DTNA: variants seen among roughly 807,000 people sequenced by gnomAD.
The protein encoded by DTNA is dystrophin-related protein 3.
In DTNA, 43 loss-of-function variants were observed where a neutral mutation model predicts 100.7. The ratio of observed to expected loss-of-function variants is 0.43; its 90% CI spans 0.33 to 0.55. DTNA has a LOEUF of 0.55. Among genes scored for constraint, DTNA ranks in the 20% least tolerant of loss-of-function variants. DTNA has a pLI of 0.04. For synonymous variants in DTNA, 349 were observed against 347.9 expected (o/e 1.00, Z -0.04); for missense variants, 798 against 953.9 (o/e 0.84, Z 2.15).
chr18:34,820,168 AG>A (rs1042129432), intron 8 of DTNA, among the ~76,000 whole-genome samples: 3 of 152,070 alleles, frequency 2.0e-5, no homozygotes, highest in Non-Finnish European at 4.4e-5. Context: ...CTCAGATTGA[AG>A]TTCCATTTTC....
At chr18:34,695,177 T>A (rs1306325846) in intron 1 of DTNA, among the ~76,000 whole-genome samples, 4 of 152,190 alleles carry the variant, frequency 2.6e-5, no homozygotes, top group Non-Finnish European at 5.9e-5. Flanking sequence ...GACTTGTAAA[T>A]GCCCCCTAAA....
At chr18:34,693,343 G>A (rs994593305) in intron 1 of DTNA, among the ~76,000 whole-genome samples, 2 of 152,062 alleles carry the variant, frequency 1.3e-5, no homozygotes, top group African/African-American at 4.8e-5. Context: ...CATCAGAAAG[G>A]ATATTTCAGA....
intron 1 of DTNA, among the ~76,000 whole-genome samples, chr18:34,751,504 T>C (rs16960005): frequency 0.077 from 11,651 of 152,282 alleles, 509 homozygotes; most frequent in African/African-American, 0.099. Flanking sequence ...GCTTTCCAGA[T>C]TTGATGCCTG....
At chr18:34,806,186 T>A (rs1428556379) in intron 4 of DTNA, 33 bp from the exon 5 acceptor site, 13 of 1,591,748 alleles carry the variant, frequency 8.2e-6, no homozygotes, top group Non-Finnish European at 1.1e-5. Flanking sequence ...GTTTTGTTTT[T>A]GTTTTTGTTT....
intron 1 of DTNA, among the ~76,000 whole-genome samples, chr18:34,648,979 A>G (rs903997878): frequency 3.3e-5 from 5 of 152,162 alleles, no homozygotes; most frequent in African/African-American, 9.7e-5. Context: ...TTTCAATTTA[A>G]TGTTTTAGGA....
intron 1 of DTNA, among the ~76,000 whole-genome samples, chr18:34,572,703 C>A (rs2047708349): frequency 6.6e-6 from 1 of 152,096 alleles, no homozygotes; most frequent in African/African-American, 2.4e-5. Flanking sequence ...CTCACCAGTT[C>A]TACTATTAGG....
intron 1 of DTNA, among the ~76,000 whole-genome samples, chr18:34,603,967 A>T (rs1172770462): frequency 6.6e-6 from 1 of 152,212 alleles, no homozygotes; most frequent in Non-Finnish European, 1.5e-5. Flanking sequence ...GTTATCATGT[A>T]TGGGAATTTT....
intron 1 of DTNA, among the ~76,000 whole-genome samples, chr18:34,541,401 C>T (rs1430288346): frequency 2.0e-5 from 3 of 151,962 alleles, no homozygotes; most frequent in South Asian, 2.1e-4. Flanking sequence ...GTGTCATGGG[C>T]GGGGCCAGGT....
At chr18:34,636,466 T>C (rs1456371871) in intron 1 of DTNA, among the ~76,000 whole-genome samples, 2 of 152,198 alleles carry the variant, frequency 1.3e-5, no homozygotes, top group East Asian at 1.9e-4. Context: ...CACCCTGAAG[T>C]AAAACAAACT....
rs578134721 is a variant in DTNA at position 34,869,487 on chromosome 18, G to A, written c.1743+5425G>A. The stretch of plus-strand genomic sequence containing the variant: ...AGAAAGTGACAGACAAGTCCAGTAA[G>A]TTTATATTTTCCTATTTCTGGTAAC... On this transcript the variant is annotated intron_variant, in intron 17 of 22. Transcript: ENST00000444659. Among the ~76,000 whole-genome samples the A allele has an allele frequency of 1.8e-3, 276 of 152,274 alleles. 1 individual carries two copies. Among genetic ancestry groups the A allele is most frequent in the Middle Eastern group, 3.4e-3 (1 of 294 alleles).
intron 16 of DTNA, among the ~76,000 whole-genome samples, chr18:34,861,586 G>A (rs1271296202): frequency 6.7e-6 from 1 of 150,012 alleles, no homozygotes; most frequent in East Asian, 2.0e-4. Context: ...CACTTCTTTA[G>A]AGATGAATAC....
chr18:34,786,620 T>TAC lies in DTNA; in HGVS notation c.149-7403_149-7402dup, dbSNP rs148607514. On this transcript the variant is annotated intron_variant, in intron 3 of 22. Coordinates refer to ENST00000444659, the MANE Select transcript of DTNA (RefSeq NM_001386795.1). ...GATTGAGGGAGCATGCGCATGGATA[T>TAC]ACACACACACACACAAAACCACACA... is the stretch of plus-strand genomic sequence containing the variant. Among the ~76,000 whole-genome samples the TAC allele has an allele frequency of 4.5e-3, 675 of 151,424 alleles. 3 individuals are homozygous for TAC. The highest frequency in any genetic ancestry group is 0.014 in the African/African-American group (575 of 41,280).
chr18:34,751,967 A>G (rs978055758), intron 1 of DTNA, among the ~76,000 whole-genome samples: 2 of 152,244 alleles, frequency 1.3e-5, no homozygotes, highest in Admixed American at 6.5e-5. Flanking sequence ...AGCGAAAACA[A>G]CATATGTCCT....
At chr18:34,686,290 C>G (rs1568218063) in intron 1 of DTNA, among the ~76,000 whole-genome samples, 1 of 152,052 alleles carries the variant, frequency 6.6e-6, no homozygotes, top group Non-Finnish European at 1.5e-5. Context: ...ATAAATAGCT[C>G]TTATTATTTT....
intron 1 of DTNA, among the ~76,000 whole-genome samples, chr18:34,561,267 T>C (rs2046610938): frequency 1.3e-5 from 2 of 152,192 alleles, no homozygotes; most frequent in Admixed American, 6.5e-5. Context: ...TACTCCATCT[T>C]CCTAACATTT....
At chr18:34,667,821 T>C (rs537379549) in intron 1 of DTNA, among the ~76,000 whole-genome samples, 2 of 152,328 alleles carry the variant, frequency 1.3e-5, no homozygotes, top group Admixed American at 6.5e-5. Context: ...CTGGATTTGG[T>C]TTGCCAGTAT....
intron 4 of DTNA, among the ~76,000 whole-genome samples, chr18:34,795,839 A>G (rs987687571): frequency 2.6e-5 from 4 of 152,212 alleles, no homozygotes; most frequent in African/African-American, 9.6e-5. Flanking sequence ...TATAGGATTC[A>G]CACAAATATA....
chr18:34,698,606 T>A (rs1011373674), intron 1 of DTNA, among the ~76,000 whole-genome samples: 1 of 152,226 alleles, frequency 6.6e-6, no homozygotes, highest in African/African-American at 2.4e-5. Context: ...AAGGAGAGTT[T>A]ATTAAGGAGT....
At chr18:34,669,852 C>G (rs1308383267) in intron 1 of DTNA, among the ~76,000 whole-genome samples, 1 of 152,080 alleles carries the variant, frequency 6.6e-6, no homozygotes, top group Admixed American at 6.6e-5. Context: ...CTCTGGCTGC[C>G]CTTAATATTT....
Sources: gnomAD v4.1 joint callset for allele counts (sites outside exome capture counted in the v4.1 genomes callset) on GRCh38, gnomAD v4.1.1 for gene constraint, MANE v1.5 for transcripts, NCBI Gene and HGNC (gene_info 2026-07-23, HGNC 2026-07-21) for gene names.